Variants in NUP155 observed in about 807,000 individuals in gnomAD.
NUP155 encodes the protein nucleoporin 155, also known as nuclear pore complex protein Nup155.
Under a neutral mutation model 180.4 loss-of-function variants are expected in NUP155, and 71 were observed. That is an observed-to-expected ratio of 0.39 (90% CI 0.33 to 0.48). The LOEUF (loss-of-function observed/expected upper bound fraction) is 0.48. NUP155 is among the 20% of genes least tolerant of loss of function. The probability of loss-of-function intolerance (pLI) is 0.91; values close to 1 mark genes in which losing one functional copy is unlikely to be tolerated. For missense variants in NUP155, 1,553 were observed against 1,648.9 expected, an observed-to-expected ratio of 0.94 and a Z score of 1.01; for synonymous variants, 582 against 559.5, an observed-to-expected ratio of 1.04 and a Z score of -0.57.
intron 3 of NUP155, among the ~76,000 whole-genome samples, chr5:37,362,791 A>T (rs183920053): frequency 2.3e-3 from 345 of 152,374 alleles, no homozygotes; most frequent in Non-Finnish European, 3.8e-3. Flanking sequence ...CACTGCTATT[A>T]CAACTATTAC....
chr5:37,323,000 T>TG (rs1744348287), intron 20 of NUP155, among the ~76,000 whole-genome samples: 1 of 151,476 alleles, frequency 6.6e-6, no homozygotes, highest in Admixed American at 6.6e-5. Flanking sequence ...TGTCCACTCT[T>TG]GGTCGGGCAT....
intron 12 of NUP155, among the ~76,000 whole-genome samples, chr5:37,334,970 C>G (rs1434956760): frequency 1.3e-5 from 2 of 151,814 alleles, no homozygotes; most frequent in Non-Finnish European, 2.9e-5. Context: ...CCAGCCAGGC[C>G]AATGTGGTGA....
rs775453999 is a variant in NUP155 at position 37,328,363 on chromosome 5, G to A, written c.1871C>T (p.Ser624Phe). The part of the protein sequence containing the change: ...YPNPSFLGTP[S>F]HGIQPPAMST... The stretch of plus-strand genomic sequence containing the variant: ...AAAACAAAGAAAAGAGGTACCATGA[G>A]ACGGTGTTCCCAAAAAGGATGGATT... The change falls in exon 17 of 35, where the codon TCT becomes TTT. Residue 624 changes from serine to phenylalanine, a missense_variant. By Grantham distance (155) the Ser-to-Phe change is radical. Coordinates refer to ENST00000231498, the MANE Select transcript of NUP155 (RefSeq NM_153485.3). The A allele has an allele frequency of 6.2e-7, 1 of 1,606,176 alleles. No individual in the cohort carries two copies. Among genetic ancestry groups the A allele is most frequent in the Non-Finnish European group, 8.5e-7 (1 of 1,172,890 alleles).
At chr5:37,317,768 A>G (rs1743994034) in intron 21 of NUP155, among the ~76,000 whole-genome samples, 1 of 150,006 alleles carries the variant, frequency 6.7e-6, no homozygotes, top group Admixed American at 6.7e-5. Context: ...GCTCACTGCA[A>G]CCTCTGCCTC....
At chr5:37,350,988 A>G (rs1581199304) in intron 6 of NUP155, among the ~76,000 whole-genome samples, 1 of 152,312 alleles carries the variant, frequency 6.6e-6, no homozygotes. Flanking sequence ...ACGAGGACAT[A>G]CATAGAATAA....
At chr5:37,323,716 G>T (rs1744399996) in intron 20 of NUP155, among the ~76,000 whole-genome samples, 1 of 150,790 alleles carries the variant, frequency 6.6e-6, no homozygotes, top group Non-Finnish European at 1.5e-5. Flanking sequence ...GTCAGAAAAG[G>T]CAGATCTGTG....
intron 18 of NUP155, among the ~76,000 whole-genome samples, chr5:37,326,864 C>T (rs1041800568): frequency 6.6e-6 from 1 of 152,114 alleles, no homozygotes; most frequent in African/African-American, 2.4e-5. Context: ...ATACAGTTGA[C>T]CTTTGAACAA....
In NUP155 at chr5:37,310,663, A is replaced by G. The variant is rs53429; in HGVS notation, c.2517T>C (p.Ala839=). The change falls in exon 23 of 35, where the codon GCT becomes GCC. Residue 839 remains alanine, a synonymous_variant. Coordinates refer to ENST00000231498, the MANE Select transcript of NUP155 (RefSeq NM_153485.3). ...CTCTGATGTAGCAGTTGATAAGAGA[A>G]GCAATTAATGCCCCTGTGAGTTCTT... is the stretch of plus-strand genomic sequence containing the variant. The part of the protein sequence containing the change: ...RDKELTGALI[A]SLINCYIRDN... 8,575 of 1,613,776 alleles carry G rather than the reference A, an allele frequency of 5.3e-3. 418 individuals carry two copies. In the African/African-American group the frequency reaches 0.1, roughly 19 times the overall value.
chr5:37,339,504 T>G (rs537147325), intron 11 of NUP155, among the ~76,000 whole-genome samples: 4 of 151,968 alleles, frequency 2.6e-5, no homozygotes, highest in Non-Finnish European at 5.9e-5. Flanking sequence ...GGCACATGCC[T>G]GTAGTCCCAA....
At position 37,332,688 on chromosome 5, in the gene NUP155, T is replaced by C. The variant is rs147147884; in HGVS notation, c.1518+775A>G. ...ATATTTCAAATGATGGCTGGGCAGA[T>C]TGGCTCTCGCCTGTAATCTCAGCAC... On this transcript the variant is annotated intron_variant, in intron 13 of 34. Coordinates refer to ENST00000231498, the MANE Select transcript of NUP155 (RefSeq NM_153485.3). Among the ~76,000 whole-genome samples the C allele has an allele frequency of 3.3e-4, 51 of 152,240 alleles. 1 individual carries two copies. The East Asian group carries it at 9.5e-3, about 28-fold the overall frequency.
intron 2 of NUP155, 72 bp downstream of exon 2, chr5:37,364,175 T>C (rs1747397893): frequency 5.3e-6 from 7 of 1,314,848 alleles, no homozygotes; most frequent in Admixed American, 1.8e-5. Context: ...TAATTAAACA[T>C]AGAACAAGAA....
Position 37,288,236 on chromosome 5 carries a change from T to C in NUP155, c.*3664A>G, listed in dbSNP as rs1213393850. ...CTTTCAAAACCTTTCAATTCAATGT[T>C]CTAGTTCTTCATTTCCTTGATACAA... is the stretch of plus-strand genomic sequence containing the variant. On this transcript the variant is annotated 3_prime_UTR_variant, in exon 35 of 35. Transcript: ENST00000231498. The C allele has an allele frequency of 6.6e-6, 1 of 152,204 alleles. No individual in the cohort carries two copies. Among genetic ancestry groups the C allele is most frequent in the Admixed American group, 6.5e-5 (1 of 15,274 alleles). The allele number at this position is 152,204 out of a possible 1,614,324, so 9.4% of individuals were successfully genotyped here. A position where few individuals can be genotyped will look rare whatever the true frequency, so the allele number is the denominator to read the frequency against.
At chr5:37,343,018 G>A (rs2150978475) in intron 9 of NUP155, among the ~76,000 whole-genome samples, 1 of 152,056 alleles carries the variant, frequency 6.6e-6, no homozygotes, top group South Asian at 2.1e-4. Context: ...GCTGGGATTG[G>A]GATTACAGGC....
chr5:37,355,592 TTTC>T (rs1209558252), intron 4 of NUP155, among the ~76,000 whole-genome samples: 25,749 of 143,226 alleles, frequency 0.18, 2,611 homozygotes, highest in African/African-American at 0.28. Context: ...TTTGTTTGTT[TTTC>T]AGAGGCGATG....
Position 37,370,998 on chromosome 5 carries a change from G to A in NUP155, c.-21C>T, listed in dbSNP as rs1407328922. 2 of 1,612,424 alleles carry A rather than the reference G, an allele frequency of 1.2e-6. No individual in the cohort carries two copies. Among genetic ancestry groups the A allele is most frequent in the Admixed American group, 1.7e-5 (1 of 59,992 alleles). On this transcript the variant is annotated 5_prime_UTR_variant, in exon 1 of 35. Transcript: ENST00000231498. ...GGCATCTCGGAAATCGTAGACACCA[G>A]GGTCCAGAAAAAGTCAAAAACCAAG... is the stretch of plus-strand genomic sequence containing the variant.
chr5:37,298,376 A>C (rs1357564555), intron 32 of NUP155, among the ~76,000 whole-genome samples: 1 of 152,166 alleles, frequency 6.6e-6, no homozygotes, highest in African/African-American at 2.4e-5. Context: ...AAACACTTGT[A>C]GGTTGGCAAA....
chr5:37,337,669 A>C, intron 12 of NUP155, 149 bp downstream of exon 12: 1 of 574,790 alleles, frequency 1.7e-6, no homozygotes, highest in Non-Finnish European at 3.1e-6. Context: ...GAAAACAAAT[A>C]ATTGACAGGA....
At chr5:37,292,090 T>G in intron 34 of NUP155, 52 bp from the exon 35 acceptor site, 7 of 1,583,706 alleles carry the variant, frequency 4.4e-6, no homozygotes, top group Non-Finnish European at 6.1e-6. Flanking sequence ...CATTTCCTCC[T>G]GCAGGACTTC....
In NUP155 at chr5:37,329,229, T is replaced by C. The variant is rs1744800442; in HGVS notation, c.1774A>G (p.Ser592Gly). ...MRFPTTLPPP[S>G]NVGPILGSPV... Reference sequence around the variant, plus strand: ...GACCCCAAGATGGGACCAACATTACTTGGAGGCGGAAGAGTGGTTGGAAAT... The same window carrying C: ...GACCCCAAGATGGGACCAACATTACCTGGAGGCGGAAGAGTGGTTGGAAAT... Residue 592 changes from serine to glycine, a missense_variant, in exon 16 of 35, where the codon AGT (serine) becomes GGT (glycine). Coordinates refer to ENST00000231498, the MANE Select transcript of NUP155 (RefSeq NM_153485.3). 1 of 1,613,866 alleles carries C rather than the reference T, an allele frequency of 6.2e-7. No homozygotes were observed. Among genetic ancestry groups the C allele is most frequent in the Admixed American group, 1.7e-5 (1 of 59,996 alleles).
Sources: allele counts gnomAD v4.1 joint callset (sites outside exome capture counted in the v4.1 genomes callset), GRCh38; gene constraint gnomAD v4.1.1; transcripts MANE v1.5; gene names NCBI Gene and HGNC (gene_info 2026-07-23, HGNC 2026-07-21).